PPWD1: variants seen among roughly 807,000 people sequenced by gnomAD.
PPWD1 encodes the protein peptidylprolyl isomerase domain and WD repeat containing 1.
PPWD1 carries 43 observed loss-of-function variants against 68.8 expected under a neutral mutation model. The observed-to-expected ratio is 0.62, with a 90% CI of 0.49 to 0.81. PPWD1 has a LOEUF of 0.81. Ranked by LOEUF, PPWD1 falls within the 30% of genes least tolerant of loss-of-function variation. PPWD1 has a pLI of 0.00. For synonymous variants in PPWD1, 232 were observed against 258.7 expected (o/e 0.90, Z 0.99); for missense variants, 672 against 804.8 (o/e 0.83, Z 2.00).
At chr5:65,576,175 A>G (rs889951851) in intron 5 of PPWD1, among the ~76,000 whole-genome samples, 4 of 116,648 alleles carry the variant, frequency 3.4e-5, no homozygotes, top group Non-Finnish European at 7.5e-5. Flanking sequence ...AATGAAATTC[A>G]CCTGTTTTCT....
At position 65,583,603 on chromosome 5, in the gene PPWD1, A is replaced by G. The variant is rs1288533792; in HGVS notation, c.1532+384A>G. Reference sequence around the variant, plus strand: ...AAGATAATTATGTTTCCTTACCAACAGTTGCTAGATACCTACTATCTCTTT... The same window carrying G: ...AAGATAATTATGTTTCCTTACCAACGGTTGCTAGATACCTACTATCTCTTT... On this transcript the variant is annotated intron_variant, in intron 8 of 10. Coordinates refer to ENST00000261308, the MANE Select transcript of PPWD1 (RefSeq NM_015342.4). Among the ~76,000 whole-genome samples, 3 of 152,184 alleles carry G rather than the reference A, an allele frequency of 2.0e-5. 1 individual carries two copies. The East Asian group carries it at 5.8e-4, about 29-fold the overall frequency.
In PPWD1 at chr5:65,586,133, G is replaced by A. The variant is rs78347381; in HGVS notation, c.1749G>A (p.Ala583=). The change falls in exon 10 of 11, where the codon GCG becomes GCA. Residue 583 remains alanine (A), a synonymous_variant. Transcript: ENST00000261308. ...CATACACACTCAGCATGGCTAACGC[G>A]GGATCAAATACTAATGGATCCCAGT... ...DRPYTLSMAN[A]GSNTNGSQFF... 520 of 1,613,296 alleles carry A rather than the reference G, an allele frequency of 3.2e-4. 4 individuals carry two copies. The African/African-American group carries it at 6.2e-3, about 19-fold the overall frequency.
intron 1 of PPWD1, 196 bp downstream of exon 1, chr5:65,563,702 ATAATATC>A: frequency 7.2e-7 from 1 of 1,387,520 alleles, no homozygotes; most frequent in Non-Finnish European, 9.9e-7. Flanking sequence ...CGTCTTTTTG[ATAATATC>A]TAACACTTTT....
At chr5:65,582,999 C>CT in intron 7 of PPWD1, 39 bp from the exon 8 acceptor site, 1 of 1,463,852 alleles carries the variant, frequency 6.8e-7, no homozygotes, top group South Asian at 1.5e-5. Flanking sequence ...CAGATGAAAA[C>CT]TTTAATTCGT....
At chr5:65,565,487 A>C (rs1172524667) in intron 1 of PPWD1, among the ~76,000 whole-genome samples, 1 of 152,068 alleles carries the variant, frequency 6.6e-6, no homozygotes, top group Non-Finnish European at 1.5e-5. Context: ...TTTCCTCTTA[A>C]TCAGTTATTT....
intron 2 of PPWD1, chr5:65,569,079 G>A: frequency 2.2e-6 from 1 of 453,718 alleles, no homozygotes; most frequent in Non-Finnish European, 4.4e-6. Context: ...ATTAACTAAG[G>A]TAATATGTAC....
chr5:65,569,656 T>C lies in PPWD1; in HGVS notation c.324T>C (p.Ser108=). The stretch of plus-strand genomic sequence containing the variant: ...GAACAGATTTTATTATTACTGCCAG[T>C]CATGATGGACATGTCAAGTTCTGGA... ...CTKTDFIITA[S]HDGHVKFWKK... is the part of the protein sequence containing the mutation. Residue 108 remains serine, a synonymous_variant, in exon 3 of 11, where the codon AGT becomes AGC. Coordinates refer to ENST00000261308, the MANE Select transcript of PPWD1 (RefSeq NM_015342.4). The C allele has an allele frequency of 6.3e-7, 1 of 1,594,368 alleles. No individual in the cohort carries two copies. The highest frequency in any genetic ancestry group is 8.6e-7 in the Non-Finnish European group (1 of 1,164,390).
In PPWD1 at chr5:65,571,828, T is replaced by A. The variant is rs754895078; in HGVS notation, c.522-11T>A. ...CCTTTTTTTTTCCCTCTCAATTCTT[T>A]ACGATTTTAGCTATTTTCCTGGACA... On this transcript the variant is annotated splice_polypyrimidine_tract_variant and intron_variant, in intron 4 of 10. Coordinates refer to ENST00000261308, the MANE Select transcript of PPWD1 (RefSeq NM_015342.4). The A allele has an allele frequency of 6.2e-7, 1 of 1,608,740 alleles. No homozygotes were observed. The highest frequency in any genetic ancestry group is 8.5e-7 in the Non-Finnish European group (1 of 1,176,570).
chr5:65,582,908 TC>T, intron 7 of PPWD1, 129 bp from the exon 8 acceptor site: 3 of 1,234,792 alleles, frequency 2.4e-6, no homozygotes, highest in Non-Finnish European at 3.2e-6. Flanking sequence ...GGGAAGTGAT[TC>T]CTGAAATAAG....
rs35830400 is a variant in PPWD1 at position 65,563,324 on chromosome 5, G to A, written c.14G>A (p.Ser5Asn). Reference protein sequence around the residue: MAAESGSDFQQRRRR... With the variant: MAAENGSDFQQRRRR... ...GATGCGAACAACATGGCGGCGGAAAGTGGTAGCGATTTTCAGCAGAGACGT... is the reference window on the plus strand; with the variant it reads ...GATGCGAACAACATGGCGGCGGAAAATGGTAGCGATTTTCAGCAGAGACGT... The change falls in exon 1 of 11, where the codon AGT becomes AAT. Residue 5 changes from serine (S) to asparagine (N), a missense_variant. Physicochemically the swap from Ser to Asn is conservative, Grantham distance 46 (BLOSUM62 1). This residue lies in a region of PPWD1 where 188 missense variants were observed against 158.6 expected (regional missense o/e 1.19). Transcript: ENST00000261308. The A allele has an allele frequency of 1.4e-5, 23 of 1,613,416 alleles. No homozygotes were observed. Among genetic ancestry groups the A allele is most frequent in the African/African-American group, 1.3e-4 (10 of 74,838 alleles).
Position 65,583,142 on chromosome 5 carries a change from A to C in PPWD1, c.1455A>C (p.Glu485Asp), listed in dbSNP as rs1753670560. The change falls in exon 8 of 11, where the codon GAA becomes GAC. Residue 485 changes from glutamate to aspartate, a missense_variant. Glu to Asp is a conservative substitution (Grantham distance 45). Around this residue, in one of 2 missense-constraint regions of PPWD1, gnomAD observed 484 missense variants for 646.2 expected, o/e 0.75. Transcript: ENST00000261308. ...AAGTCATGGCAGCTACTCAAGCTGA[A>C]GGACCTAAACGAGTTTCGGACAGTG... is the stretch of plus-strand genomic sequence containing the variant. ...KEEVMAATQA[E>D]GPKRVSDSAI... 1 of 1,613,750 alleles carries C rather than the reference A, an allele frequency of 6.2e-7. No homozygotes were observed. The highest frequency in any genetic ancestry group is 8.5e-7 in the Non-Finnish European group (1 of 1,179,836).
At chr5:65,568,816 T>C (rs1420059615) in intron 2 of PPWD1, 3 of 366,092 alleles carry the variant, frequency 8.2e-6, no homozygotes, top group Non-Finnish European at 1.6e-5. Flanking sequence ...TAGCACCTTT[T>C]CTAGTCTCAA....
At chr5:65,565,342 T>C (rs187015822) in intron 1 of PPWD1, among the ~76,000 whole-genome samples, 1 of 152,360 alleles carries the variant, frequency 6.6e-6, no homozygotes, top group East Asian at 1.9e-4. Context: ...TTTTTGCAAG[T>C]TCTTTTTTAA....
intron 6 of PPWD1, among the ~76,000 whole-genome samples, chr5:65,578,812 A>G (rs1753452465): frequency 6.8e-6 from 1 of 147,626 alleles, no homozygotes; most frequent in Non-Finnish European, 1.5e-5. Context: ...ATATGTGTAT[A>G]TATATACTTT....
At position 65,577,068 on chromosome 5, in the gene PPWD1, C is replaced by T. The variant is rs184778131; in HGVS notation, c.1159C>T (p.Arg387Trp). 8.7e-6 allele frequency: 14 copies of T among 1,608,622 alleles called. No individual in the cohort carries two copies. Among genetic ancestry groups the T allele is most frequent in the Admixed American group, 3.4e-5 (2 of 59,682 alleles). The stretch of plus-strand genomic sequence containing the variant: ...TAAAGTTATAAATGTAGAGACAAAC[C>T]GGTAAGCTTTAATATGAGGTATGTT... ...GIKVINVETN[R>W]CVRILGKQEN... The change falls in exon 6 of 11, where the codon CGG becomes TGG. Residue 387 changes from arginine to tryptophan, a missense_variant and splice_region_variant. Physicochemically the swap from Arg to Trp is moderately radical, Grantham distance 101. This residue lies in a region of PPWD1 where 484 missense variants were observed against 646.2 expected (regional missense o/e 0.75). Transcript: ENST00000261308.
intron 1 of PPWD1, 191 bp downstream of exon 1, chr5:65,563,697 T>C (rs1752457895): frequency 7.2e-7 from 1 of 1,387,614 alleles, no homozygotes; most frequent in African/African-American, 1.4e-5. Flanking sequence ...TACAACGTCT[T>C]TTTGATAATA....
intron 1 of PPWD1, among the ~76,000 whole-genome samples, chr5:65,564,318 CTTTTT>C (rs550753414): frequency 6.8e-5 from 8 of 117,224 alleles, no homozygotes; most frequent in Non-Finnish European, 1.2e-4. Flanking sequence ...TTTTCTCTCT[CTTTTT>C]TTTTTTTTTT....
chr5:65,571,518 A>G (rs1440845133), intron 4 of PPWD1, among the ~76,000 whole-genome samples: 17 of 152,218 alleles, frequency 1.1e-4, no homozygotes, highest in Non-Finnish European at 4.4e-5. Context: ...CCAAAAAGCA[A>G]TGTCCCAGAA....
At chr5:65,566,839 T>TA (rs1173540748) in intron 1 of PPWD1, among the ~76,000 whole-genome samples, 1 of 147,210 alleles carries the variant, frequency 6.8e-6, no homozygotes, top group Non-Finnish European at 1.5e-5. Context: ...TTTTTGCTAG[T>TA]AAAATTGTTC....
Sources: gnomAD v4.1 joint callset for allele counts (sites outside exome capture counted in the v4.1 genomes callset) on GRCh38, gnomAD v4.1.1 for gene constraint, gnomAD v4.1.1 regional missense constraint, MANE v1.5 for transcripts, NCBI Gene and HGNC (gene_info 2026-07-23, HGNC 2026-07-21) for gene names.